INTS1: variants seen among roughly 807,000 people sequenced by gnomAD.
The protein encoded by INTS1 is integrator complex subunit 1.
A neutral mutation model predicts 241.6 loss-of-function variants in INTS1; 137 were observed. The observed-to-expected ratio is 0.57, with a 90% CI of 0.49 to 0.65. INTS1 has a LOEUF of 0.65. Ranked by LOEUF, INTS1 falls within the 30% of genes least tolerant of loss-of-function variation. The pLI is 0.00. For synonymous variants in INTS1, 1,692 were observed against 1,337.8 expected, an observed-to-expected ratio of 1.26 and a Z score of -5.78; for missense variants, 3,073 against 3,032.2, an observed-to-expected ratio of 1.01 and a Z score of -0.32.
intron 45 of INTS1, 116 bp downstream of exon 45, chr7:1,471,455 G>A (rs915836494): frequency 1.2e-5 from 15 of 1,209,450 alleles, no homozygotes; most frequent in Non-Finnish European, 1.8e-5. Flanking sequence ...CCGAAGCCCA[G>A]CCTCAGAGGA....
Position 1,470,556 on chromosome 7 carries a change from G to C in INTS1, c.*21C>G, listed in dbSNP as rs781446645. The stretch of plus-strand genomic sequence containing the variant: ...GGGACGGGACGGGCCGGGGCTTGGA[G>C]GGGGGTCGGCTGCCACAGGCTCACA... On this transcript the variant is annotated 3_prime_UTR_variant, in exon 48 of 48. Coordinates refer to ENST00000404767, the MANE Select transcript of INTS1 (RefSeq NM_001080453.3). The C allele has an allele frequency of 2.3e-5, 35 of 1,512,042 alleles. No individual in the cohort carries two copies. The highest frequency in any genetic ancestry group is 2.2e-4 in the African/African-American group (16 of 72,228). The allele number at this position is 1,512,042 out of a possible 1,614,324, so 93.7% of individuals were successfully genotyped here.
At chr7:1,496,130 G>T in intron 12 of INTS1, 26 bp downstream of exon 12, 1 of 1,591,894 alleles carries the variant, frequency 6.3e-7, no homozygotes, top group African/African-American at 1.3e-5. Flanking sequence ...CCACCAAGCA[G>T]GGCCAGGCCA....
chr7:1,496,538 A>G (rs1457552910), intron 11 of INTS1, among the ~76,000 whole-genome samples: 2 of 152,058 alleles, frequency 1.3e-5, no homozygotes, highest in South Asian at 2.1e-4. Context: ...ACACTTGCAC[A>G]TGCGCACACA....
chr7:1,477,486 C>T, intron 35 of INTS1, 64 bp downstream of exon 35: 1 of 1,449,280 alleles, frequency 6.9e-7, no homozygotes, highest in Non-Finnish European at 9.1e-7. Context: ...GGCTGCTGCA[C>T]TTCAGGTCAG....
intron 18 of INTS1, 42 bp from the exon 19 acceptor site, chr7:1,487,999 A>C: frequency 6.3e-7 from 1 of 1,599,890 alleles, no homozygotes; most frequent in Non-Finnish European, 8.6e-7. Context: ...CCCCCCATGA[A>C]GGGCTCACTC....
In INTS1 at chr7:1,499,272, C is replaced by T. The variant is rs1277887461; in HGVS notation, c.933G>A (p.Glu311=). ...IAEEKLSPEQ[E]GQLMPRYEEL... is the part of the protein sequence containing the mutation. ...GCAGCTACCTGGGCATGAGCTGGCC[C>T]TCCTGCTCGGGGCTCAGCTTCTCCT... The change falls in exon 7 of 48, where the codon GAG becomes GAA. Residue 311 remains glutamate (E), a synonymous_variant. Coordinates refer to ENST00000404767, the MANE Select transcript of INTS1 (RefSeq NM_001080453.3). 6 of 1,610,068 alleles carry T rather than the reference C, an allele frequency of 3.7e-6. No individual in the cohort carries two copies. The highest frequency in any genetic ancestry group is 2.2e-5 in the South Asian group (2 of 90,894).
At chr7:1,471,683 G>T (rs116970885) in intron 44 of INTS1, 42 bp from the exon 45 acceptor site, 22,665 of 1,592,714 alleles carry the variant, frequency 0.014, 207 homozygotes, top group Middle Eastern at 0.022. Context: ...AAGGGCCCAG[G>T]CAGACCTCTG....
chr7:1,500,379 G>T lies in INTS1; in HGVS notation c.350-13C>A. 1 of 1,550,682 alleles carries T rather than the reference G, an allele frequency of 6.4e-7. No individual in the cohort carries two copies. Among genetic ancestry groups the T allele is most frequent in the East Asian group, 2.3e-5 (1 of 42,974 alleles). On this transcript the variant is annotated splice_polypyrimidine_tract_variant and intron_variant, in intron 3 of 47. Coordinates refer to ENST00000404767, the MANE Select transcript of INTS1 (RefSeq NM_001080453.3). ...ACCGTGGGCAGCACTGGCCGGGGCAGGCGGTACGGTCAGAACGGGGCCAGG... is the reference window on the plus strand; with the variant it reads ...ACCGTGGGCAGCACTGGCCGGGGCATGCGGTACGGTCAGAACGGGGCCAGG...
intron 8 of INTS1, 35 bp downstream of exon 8, chr7:1,498,940 C>G: frequency 7.2e-7 from 1 of 1,381,890 alleles, no homozygotes; most frequent in Non-Finnish European, 9.8e-7. Flanking sequence ...GCCCCCACCC[C>G]CTGCCCCGCC....
rs1169732998 is a variant in INTS1, at chr7:1,499,080, G to A, written c.1032C>T (p.Asp344=). The change falls in exon 8 of 48, where the codon GAC becomes GAT. Residue 344 remains aspartate, a synonymous_variant. Coordinates refer to ENST00000404767, the MANE Select transcript of INTS1 (RefSeq NM_001080453.3). ...GCCGCAGGAGGTTCCTGGAGACGTTGTCGATGGGCTGGCGCCGGTTCAGCT... is the reference window on the plus strand; with the variant it reads ...GCCGCAGGAGGTTCCTGGAGACGTTATCGATGGGCTGGCGCCGGTTCAGCT... The part of the protein sequence containing the change: ...RDQLNRRQPI[D]NVSRNLLRLL... 6.2e-7 allele frequency: 1 copy of A among 1,609,118 alleles called. No homozygotes were observed. Among genetic ancestry groups the A allele is most frequent in the African/African-American group, 1.3e-5 (1 of 74,800 alleles).
Position 1,487,385 on chromosome 7 carries a change from G to T in INTS1, c.2581C>A (p.Arg861Ser), listed in dbSNP as rs200109343. Residue 861 changes from arginine to serine, a missense_variant, in exon 20 of 48, where the codon CGC becomes AGC. Physicochemically the swap from Arg to Ser is moderately radical, Grantham distance 110 (BLOSUM62 -1). Coordinates refer to ENST00000404767, the MANE Select transcript of INTS1 (RefSeq NM_001080453.3). ...CTGCGGCACAAGAGGTGCCCGAGGCGGAGGGACTGGTTGAGGCTTTTCACT... is the reference window on the plus strand; with the variant it reads ...CTGCGGCACAAGAGGTGCCCGAGGCTGAGGGACTGGTTGAGGCTTTTCACT... ...DQVKSLNQSL[R>S]LGHLLCRSRN... is the part of the protein sequence containing the mutation. 6.2e-7 allele frequency: 1 copy of T among 1,611,704 alleles called. No individual in the cohort carries two copies. The highest frequency in any genetic ancestry group is 1.3e-5 in the African/African-American group (1 of 75,050).
At chr7:1,480,713 G>C in intron 29 of INTS1, 122 bp downstream of exon 29, 2 of 817,682 alleles carry the variant, frequency 2.4e-6, no homozygotes, top group Non-Finnish European at 3.8e-6. Flanking sequence ...GGTGGCATCA[G>C]CAAGTGTGCA....
Position 1,481,557 on chromosome 7 carries a change from A to C in INTS1, c.3704-69T>G. 1 of 1,496,612 alleles carries C rather than the reference A, an allele frequency of 6.7e-7. No homozygotes were observed. The highest frequency in any genetic ancestry group is 8.9e-7 in the Non-Finnish European group (1 of 1,117,742). The allele number at this position is 1,496,612 out of a possible 1,614,324, so 92.7% of individuals were successfully genotyped here. On this transcript the variant is annotated intron_variant, in intron 27 of 47. Coordinates refer to ENST00000404767, the MANE Select transcript of INTS1 (RefSeq NM_001080453.3). The surrounding 1 kb of genome is among the most constrained non-coding windows in gnomAD (Gnocchi z 6.8). ...ATGCGCACTCGGGACCCCACCCGAG[A>C]CCTGGGGCTGCCTGTGTGCAGTGAC...
Position 1,495,439 on chromosome 7 carries a change from A to G in INTS1, c.1826T>C (p.Val609Ala). The G allele has an allele frequency of 6.2e-7, 1 of 1,611,410 alleles. No individual in the cohort carries two copies. The change falls in exon 13 of 48, where the codon GTG (valine) becomes GCG (alanine). Residue 609 changes from valine to alanine, a missense_variant. By Grantham distance (64) the Val-to-Ala change is moderately conservative. Transcript: ENST00000404767. ...SISKLAPKDY[V>A]HCLHKVLFTE... ...TACAGGGCCCCAGCCGCACCAGTGCACGTAGTCCTTAGGGGCGAGCTTGCT... is the reference window on the plus strand; with the variant it reads ...TACAGGGCCCCAGCCGCACCAGTGCGCGTAGTCCTTAGGGGCGAGCTTGCT...
At chr7:1,498,031 T>A (rs889592562) in intron 10 of INTS1, among the ~76,000 whole-genome samples, 1 of 146,130 alleles carries the variant, frequency 6.8e-6, no homozygotes, top group Non-Finnish European at 1.5e-5. Context: ...CTGGGCCACA[T>A]AATAAGACCC....
At position 1,484,001 on chromosome 7, in the gene INTS1, AC is replaced by A. The variant is rs1782123459; in HGVS notation, c.3429+1del. The A allele has an allele frequency of 6.2e-7, 1 of 1,605,304 alleles. No individual in the cohort carries two copies. The highest frequency in any genetic ancestry group is 8.5e-7 in the Non-Finnish European group (1 of 1,175,458). ...CCCGGCCGTAGACCTCCTCGCCCTC[AC>A]CCAGCTGTAGACCTCCTCGCCCTCC... On this transcript the variant is annotated splice_donor_variant, in intron 25 of 47. Coordinates refer to ENST00000404767, the MANE Select transcript of INTS1 (RefSeq NM_001080453.3). LOFTEE classifies it high-confidence loss of function.
At chr7:1,489,740 C>T (rs947630459) in intron 16 of INTS1, 58 bp from the exon 17 acceptor site, 11 of 1,295,494 alleles carry the variant, frequency 8.5e-6, no homozygotes, top group Admixed American at 5.5e-5. Flanking sequence ...CGCCAAGGAT[C>T]GGCCGGGCCA....
chr7:1,480,778 T>G, intron 29 of INTS1, 57 bp downstream of exon 29: 1 of 1,366,490 alleles, frequency 7.3e-7, no homozygotes, highest in Non-Finnish European at 1.0e-6. Context: ...GGTCTCTGTG[T>G]TGGCCCCACC....
At position 1,475,433 on chromosome 7, in the gene INTS1, C is replaced by T. The variant is rs541703195; in HGVS notation, c.5502+515G>A. On this transcript the variant is annotated intron_variant, in intron 39 of 47. Coordinates refer to ENST00000404767, the MANE Select transcript of INTS1 (RefSeq NM_001080453.3). ...AGTGTGATTTCAACAAATAAAATGACATATAAGTGAAAAAAACCACAAGCA... is the reference window on the plus strand; with the variant it reads ...AGTGTGATTTCAACAAATAAAATGATATATAAGTGAAAAAAACCACAAGCA... 8.5e-4 allele frequency among the ~76,000 whole-genome samples: 130 copies of T among 152,132 alleles called. 2 individuals are homozygous for T. In the South Asian group the frequency reaches 0.025, roughly 29 times the overall value.
Sources: allele counts gnomAD v4.1 joint callset (sites outside exome capture counted in the v4.1 genomes callset), GRCh38; gene constraint gnomAD v4.1.1; non-coding constraint Gnocchi (gnomAD v3.1); transcripts MANE v1.5; gene names NCBI Gene and HGNC (gene_info 2026-07-23, HGNC 2026-07-21).